KMT2A: variants seen among roughly 807,000 people sequenced by gnomAD.
KMT2A encodes the protein histone-lysine N-methyltransferase 2A.
A neutral mutation model predicts 345.3 loss-of-function variants in KMT2A; 16 were observed. The ratio of observed to expected loss-of-function variants is 0.05; its 90% confidence interval spans 0.03 to 0.07. The LOEUF is 0.07. Among genes scored for constraint, KMT2A ranks in the 10% least tolerant of loss-of-function variants. The pLI is 1.00. For synonymous variants in KMT2A, 1,599 were observed against 1,778.6 expected, an observed-to-expected ratio of 0.90 and a Z score of 2.54; for missense variants, 3,272 against 4,841.6, an observed-to-expected ratio of 0.68 and a Z score of 9.62.
At chr11:118,448,917 T>C (rs562056538) in intron 1 of KMT2A, 1 of 152,300 alleles carries the variant, frequency 6.6e-6, no homozygotes, top group Non-Finnish European at 1.5e-5. Flanking sequence ...AATTCATACT[T>C]TCCCTATAAC....
chr11:118,463,865 G>A (rs1267696771), intron 1 of KMT2A, among the ~76,000 whole-genome samples: 5 of 152,192 alleles, frequency 3.3e-5, no homozygotes, highest in African/African-American at 1.2e-4. Flanking sequence ...TATCTGAACA[G>A]GATGTAGTTT....
At chr11:118,457,247 C>T (rs1256444561) in intron 1 of KMT2A, among the ~76,000 whole-genome samples, 1 of 144,534 alleles carries the variant, frequency 6.9e-6, no homozygotes, top group Non-Finnish European at 1.5e-5. Context: ...TTTCATGATA[C>T]ACCTCCTGCC....
intron 31 of KMT2A, 143 bp from the exon 32 acceptor site, chr11:118,519,475 A>G (rs2135280078): frequency 1.5e-6 from 1 of 654,304 alleles, no homozygotes; most frequent in South Asian, 2.2e-5. Context: ...TGGCTATCTG[A>G]TGCTAATTTC....
chr11:118,467,204 C>T (rs1949859964), intron 1 of KMT2A, among the ~76,000 whole-genome samples: 3 of 151,954 alleles, frequency 2.0e-5, no homozygotes, highest in Non-Finnish European at 2.9e-5. Context: ...TGGTAAAACC[C>T]TGTCTCTACT....
Position 118,522,028 on chromosome 11 carries a change from G to T in KMT2A, c.11775G>T (p.Gly3925=). 6.2e-7 allele frequency: 1 copy of T among 1,614,204 alleles called. No individual in the cohort carries two copies. Among genetic ancestry groups the T allele is most frequent in the Non-Finnish European group, 8.5e-7 (1 of 1,180,044 alleles). ...ATTCTCGGGTCATCAATATTGATGGGCAGAAGCACATTGTCATCTTTGCCA... is the reference window on the plus strand; with the variant it reads ...ATTCTCGGGTCATCAATATTGATGGTCAGAAGCACATTGTCATCTTTGCCA... ...NCYSRVINID[G]QKHIVIFAMR... The change falls in exon 36 of 36, where the codon GGG becomes GGT. Residue 3925 remains glycine (G), a synonymous_variant. Coordinates refer to ENST00000534358, the MANE Select transcript of KMT2A (RefSeq NM_001197104.2). The surrounding 1 kb of genome is among the most constrained non-coding windows in gnomAD (Gnocchi z 5.4).
chr11:118,458,538 G>A (rs1949689753), intron 1 of KMT2A, among the ~76,000 whole-genome samples: 1 of 152,038 alleles, frequency 6.6e-6, no homozygotes, highest in South Asian at 2.1e-4. Flanking sequence ...AACATTTATT[G>A]GGTGCCAAAT....
rs781894404 is a variant in KMT2A, at chr11:118,473,496, G to A, written c.2337G>A (p.Ser779=). 1.9e-6 allele frequency: 3 copies of A among 1,614,034 alleles called. No homozygotes were observed. The highest frequency in any genetic ancestry group is 1.7e-5 in the Admixed American group (1 of 59,998). ...CCCCCCCGTCTTCTGTCTCTTCCTC[G>A]TTAAGCATTTCTGTTAGTCCTCTTG... The part of the protein sequence containing the change: ...PLTPPSSVSS[S]LSISVSPLAT... Residue 779 remains serine (S), a synonymous_variant, in exon 3 of 36, where the codon TCG becomes TCA. Transcript: ENST00000534358. The surrounding 1 kb of genome is among the most constrained non-coding windows in gnomAD (Gnocchi z 5.2).
chr11:118,488,172 C>T (rs543408828), intron 10 of KMT2A, among the ~76,000 whole-genome samples: 5 of 151,360 alleles, frequency 3.3e-5, no homozygotes, highest in East Asian at 1.9e-4. Flanking sequence ...AGCGAGACTC[C>T]GTCTCAAAAA....
intron 1 of KMT2A, among the ~76,000 whole-genome samples, chr11:118,445,859 T>C (rs2134182314): frequency 6.6e-6 from 1 of 151,380 alleles, no homozygotes; most frequent in South Asian, 2.1e-4. Flanking sequence ...AAAAATTAGC[T>C]GGGTGTGGTG....
chr11:118,488,818 C>T lies in KMT2A; in HGVS notation c.4479+58C>T, dbSNP rs1175976720. 27 of 1,548,616 alleles carry T rather than the reference C, an allele frequency of 1.7e-5. No individual in the cohort carries two copies. In the East Asian group the frequency reaches 2.5e-4, roughly 14 times the overall value. Reference sequence around the variant, plus strand: ...CCTCTGTATCAGTGGGTTCTGTATCCCTGGACTCAACCAACCTTGGATTGA... The same window carrying T: ...CCTCTGTATCAGTGGGTTCTGTATCTCTGGACTCAACCAACCTTGGATTGA... On this transcript the variant is annotated intron_variant, in intron 11 of 35. Coordinates refer to ENST00000534358, the MANE Select transcript of KMT2A (RefSeq NM_001197104.2).
At position 118,497,665 on chromosome 11, in the gene KMT2A, T is replaced by C. The variant is rs1950431460; in HGVS notation, c.5665-271T>C. Among the ~76,000 whole-genome samples the C allele has an allele frequency of 1.3e-5, 2 of 152,226 alleles. No individual in the cohort carries two copies. The highest frequency in any genetic ancestry group is 1.3e-4 in the Admixed American group (2 of 15,282). ...CTACCACTTCAGCCTCCAAAAGTGC[T>C]GGGATTACAGACGTGAACCACCATA... On this transcript the variant is annotated intron_variant, in intron 20 of 35. Coordinates refer to ENST00000534358, the MANE Select transcript of KMT2A (RefSeq NM_001197104.2). This position sits in a 1 kb window ranked among gnomAD's most constrained non-coding sequence, Gnocchi z 4.8.
rs1184594131 is a variant in KMT2A at position 118,471,866 on chromosome 11, C to T, written c.707C>T (p.Thr236Ile). The T allele has an allele frequency of 1.2e-6, 2 of 1,612,418 alleles. No individual in the cohort carries two copies. Among genetic ancestry groups the T allele is most frequent in the Non-Finnish European group, 1.7e-6 (2 of 1,179,522 alleles). The change falls in exon 3 of 36, where the codon ACA becomes ATA. Residue 236 changes from threonine to isoleucine, a missense_variant. Transcript: ENST00000534358. ...TTCCCTGGAGTAAAAATCAAAATAACACATGGAAAGGACATTTCAGAGTTA... is the reference window on the plus strand; with the variant it reads ...TTCCCTGGAGTAAAAATCAAAATAATACATGGAAAGGACATTTCAGAGTTA... The part of the protein sequence containing the change: ...PTFPGVKIKI[T>I]HGKDISELPK...
intron 1 of KMT2A, among the ~76,000 whole-genome samples, chr11:118,461,598 G>GGAAAAGTGAAAT (rs1949744949): frequency 6.6e-6 from 1 of 152,138 alleles, no homozygotes; most frequent in Non-Finnish European, 1.5e-5. Flanking sequence ...ATCAGAGTAG[G>GGAAAAGTGAAAT]CCAAGTTGAA....
chr11:118,504,181 T>C lies in KMT2A; in HGVS notation c.8289T>C (p.Asp2763=). 3 of 1,614,182 alleles carry C rather than the reference T, an allele frequency of 1.9e-6. No homozygotes were observed. Among genetic ancestry groups the C allele is most frequent in the Non-Finnish European group, 2.5e-6 (3 of 1,180,020 alleles). Residue 2763 remains aspartate, a synonymous_variant, in exon 27 of 36, where the codon GAT becomes GAC. Coordinates refer to ENST00000534358, the MANE Select transcript of KMT2A (RefSeq NM_001197104.2). The surrounding 1 kb of genome is among the most constrained non-coding windows in gnomAD (Gnocchi z 6.4). ...TENLKIDRPE[D]AGEKEHVTKS... is the part of the protein sequence containing the mutation. ...ACTTAAAGATTGATAGACCTGAAGA[T>C]GCTGGGGAGAAAGAACATGTCACTA... is the stretch of plus-strand genomic sequence containing the variant.
intron 1 of KMT2A, chr11:118,450,250 A>G (rs1949507918): frequency 6.6e-6 from 1 of 151,928 alleles, no homozygotes; most frequent in African/African-American, 2.4e-5. Flanking sequence ...ATAATTTGGG[A>G]CATTGCCAGG....
chr11:118,505,555 C>T lies in KMT2A; in HGVS notation c.9663C>T (p.Leu3221=), dbSNP rs2134407007. 1.2e-6 allele frequency: 2 copies of T among 1,614,164 alleles called. No individual in the cohort carries two copies. Among genetic ancestry groups the T allele is most frequent in the South Asian group, 2.2e-5 (2 of 91,072 alleles). Residue 3221 remains leucine (L), a synonymous_variant, in exon 27 of 36, where the codon CTC becomes CTT. Coordinates refer to ENST00000534358, the MANE Select transcript of KMT2A (RefSeq NM_001197104.2). The surrounding 1 kb of genome is among the most constrained non-coding windows in gnomAD (Gnocchi z 4.6). ...STTVATPSSG[L]KKRPISRLQT... ...CAGTAGCCACTCCATCCTCTGGACT[C>T]AAGAAAAGACCCATATCTCGTCTAC...
At chr11:118,512,105 GA>G (rs1250855818) in intron 31 of KMT2A, 80 bp downstream of exon 31, 136 of 1,323,114 alleles carry the variant, frequency 1.0e-4, no homozygotes, top group Non-Finnish European at 1.3e-4. Flanking sequence ...TTGATTCTGT[GA>G]AAAAAAAATC....
chr11:118,521,879 C>T lies in KMT2A; in HGVS notation c.11644-18C>T. On this transcript the variant is annotated intron_variant, in intron 35 of 35. Coordinates refer to ENST00000534358, the MANE Select transcript of KMT2A (RefSeq NM_001197104.2). This position sits in a 1 kb window ranked among gnomAD's most constrained non-coding sequence, Gnocchi z 5.3. ...TATAAGAAATGACAAGTTCTTCTCC[C>T]TTCTTCTGCATGTGCAGGGCATTGG... 5 of 1,605,902 alleles carry T rather than the reference C, an allele frequency of 3.1e-6. No individual in the cohort carries two copies. The highest frequency in any genetic ancestry group is 3.4e-6 in the Non-Finnish European group (4 of 1,173,088).
rs868940637 is a variant in KMT2A, at chr11:118,501,208, A to G, written c.6319+61A>G. The stretch of plus-strand genomic sequence containing the variant: ...CACAGTGGCTCACGCCTGTAATCGC[A>G]GCACTTTGGGAGGCTGAGGCAGGTG... On this transcript the variant is annotated intron_variant, in intron 25 of 35. Transcript: ENST00000534358. The G allele has an allele frequency of 1.6e-5, 24 of 1,520,346 alleles. No homozygotes were observed. In the African/African-American group the frequency reaches 2.9e-4, roughly 18 times the overall value. The allele number at this position is 1,520,346 out of a possible 1,614,324, so 94.2% of individuals were successfully genotyped here.
Sources: gnomAD v4.1 joint callset for allele counts (sites outside exome capture counted in the v4.1 genomes callset) on GRCh38, gnomAD v4.1.1 for gene constraint, Gnocchi (gnomAD v3.1) non-coding constraint, MANE v1.5 for transcripts, NCBI Gene and HGNC (gene_info 2026-07-23, HGNC 2026-07-21) for gene names.